SRGAP2: variants seen among roughly 807,000 people sequenced by gnomAD.
SRGAP2 encodes SLIT-ROBO Rho GTPase-activating protein 2.
In SRGAP2, 15 loss-of-function variants were observed where a neutral mutation model predicts 57.2. The observed-to-expected ratio is 0.26, with a 90% CI of 0.18 to 0.40. SRGAP2 has a LOEUF of 0.40. Ranked by LOEUF, SRGAP2 falls within the 10% of genes least tolerant of loss-of-function variation. SRGAP2 has a pLI of 1.00. For synonymous variants in SRGAP2, 249 were observed against 248.0 expected (o/e 1.00, Z -0.04); for missense variants, 520 against 669.6 (o/e 0.78, Z 2.47).
chr1:206,414,963 C>T (rs541334293), intron 10 of SRGAP2, among the ~76,000 whole-genome samples: 4 of 152,304 alleles, frequency 2.6e-5, no homozygotes, highest in East Asian at 3.9e-4. Flanking sequence ...GGCATTTTGT[C>T]GTAATGGTTA....
intron 2 of SRGAP2, among the ~76,000 whole-genome samples, chr1:206,253,573 C>CTTTTTT (rs71264673): frequency 5.7e-4 from 58 of 101,660 alleles, no homozygotes; most frequent in South Asian, 7.5e-4. Flanking sequence ...TTCTTTCTTT[C>CTTTTTT]TTTTTTTTTT....
chr1:206,233,522 C>T (rs1667758916), intron 2 of SRGAP2, among the ~76,000 whole-genome samples: 1 of 145,474 alleles, frequency 6.9e-6, no homozygotes, highest in African/African-American at 2.5e-5. Flanking sequence ...TAGAAACCAG[C>T]TAGCTCTCTG....
chr1:206,422,623 G>A (rs971052018), intron 13 of SRGAP2, among the ~76,000 whole-genome samples: 10 of 152,192 alleles, frequency 6.6e-5, no homozygotes, highest in African/African-American at 2.4e-4. Flanking sequence ...CTGAAACCAG[G>A]CATCTTGCTT....
At chr1:206,417,488 G>C (rs1553362482) in intron 11 of SRGAP2, among the ~76,000 whole-genome samples, 1 of 149,862 alleles carries the variant, frequency 6.7e-6, no homozygotes. Flanking sequence ...TGTGATCTTG[G>C]CTTATTGCAA....
At chr1:206,243,708 GCTT>G (rs1339709918) in intron 2 of SRGAP2, among the ~76,000 whole-genome samples, 1 of 152,220 alleles carries the variant, frequency 6.6e-6, no homozygotes, top group East Asian at 1.9e-4. Context: ...CAGCTGTGCT[GCTT>G]CTTCCATGGA....
In SRGAP2 at chr1:206,458,691, G is replaced by C. The variant is rs1572209963; in HGVS notation, c.2576G>C (p.Ser859Thr). Residue 859 changes from serine to threonine, a missense_variant, in exon 22 of 23, where the codon AGT (serine) becomes ACT (threonine). Physicochemically the swap from Ser to Thr is moderately conservative, Grantham distance 58. Around this residue, in one of 5 missense-constraint regions of SRGAP2, gnomAD observed 478 missense variants for 373.6 expected, o/e 1.28. Coordinates refer to ENST00000573034, the MANE Select transcript of SRGAP2 (RefSeq NM_015326.5). ...CGGAGTGACAGCCATGGGCTGAGCA[G>C]TTCCCTGACTGACTCCTCCTCCCCA... is the stretch of plus-strand genomic sequence containing the variant. ...TFRSDSHGLSSSLTDSSSPGV... is the reference protein window; with the variant it reads ...TFRSDSHGLSTSLTDSSSPGV... The C allele has an allele frequency of 5.1e-6, 4 of 779,382 alleles. No homozygotes were observed. In the South Asian group the frequency reaches 5.4e-5, roughly 10 times the overall value. 48.3% of individuals were successfully genotyped at this position (779,382 alleles called of 1,614,324 possible).
intron 7 of SRGAP2, among the ~76,000 whole-genome samples, chr1:206,394,666 G>A (rs1553352793): frequency 6.6e-6 from 1 of 152,112 alleles, no homozygotes; most frequent in Non-Finnish European, 1.5e-5. Context: ...GTGATGCAAA[G>A]GGGATTGAGG....
chr1:206,372,992 TC>T (rs1654804105), intron 4 of SRGAP2, among the ~76,000 whole-genome samples: 1 of 112,890 alleles, frequency 8.9e-6, no homozygotes, highest in Non-Finnish European at 1.8e-5. Flanking sequence ...TTTCTTTCTT[TC>T]TTTCTTTCTT....
chr1:206,331,825 TTA>T (rs1674379469), intron 3 of SRGAP2, among the ~76,000 whole-genome samples: 1 of 97,560 alleles, frequency 1.0e-5, no homozygotes, highest in Non-Finnish European at 1.9e-5. Context: ...GTTAATATTG[TTA>T]TGTGTGAATT....
At chr1:206,373,843 A>T in intron 4 of SRGAP2, among the ~76,000 whole-genome samples, 1 of 147,838 alleles carries the variant, frequency 6.8e-6, no homozygotes. Flanking sequence ...CAGAATTAAA[A>T]TGGGAACTAG....
rs562378169 is a variant in SRGAP2 at position 206,223,054 on chromosome 1, G to A, written c.67+17017G>A. ...CTCCCAAAGTGCTGGGATTACAGGC[G>A]TGAGCCACCGTGCCCGGCCTCAGAG... On this transcript the variant is annotated intron_variant, in intron 2 of 22. Coordinates refer to ENST00000573034, the MANE Select transcript of SRGAP2 (RefSeq NM_015326.5). 6.1e-3 allele frequency among the ~76,000 whole-genome samples: 922 copies of A among 151,820 alleles called. 16 individuals are homozygous for A. Among genetic ancestry groups the A allele is most frequent in the African/African-American group, 0.021 (878 of 41,400 alleles).
At chr1:206,278,039 G>A in intron 2 of SRGAP2, among the ~76,000 whole-genome samples, 1 of 150,886 alleles carries the variant, frequency 6.6e-6, no homozygotes, top group Non-Finnish European at 1.5e-5. Flanking sequence ...CCACTACCAA[G>A]TAGGTGAAGA....
In SRGAP2 at chr1:206,363,891, A is replaced by C. The variant is rs369927111; in HGVS notation, c.424-20123A>C. Among the ~76,000 whole-genome samples the C allele has an allele frequency of 1.7e-4, 26 of 152,324 alleles. No homozygotes were observed. The East Asian group carries it at 4.4e-3, about 26-fold the overall frequency. On this transcript the variant is annotated intron_variant, in intron 4 of 22. Coordinates refer to ENST00000573034, the MANE Select transcript of SRGAP2 (RefSeq NM_015326.5). ...TGGGTGTCCCCTTTGCAGTGTAATA[A>C]ATGTCTTGTGAAGATACTATGTAAA...
At chr1:206,414,035 T>C (rs1045155192) in intron 10 of SRGAP2, among the ~76,000 whole-genome samples, 2 of 141,854 alleles carry the variant, frequency 1.4e-5, no homozygotes, top group African/African-American at 5.5e-5. Context: ...TTTTCTTTCT[T>C]TTTTTTTTTT....
At chr1:206,441,765 G>T (rs1485459432) in intron 17 of SRGAP2, among the ~76,000 whole-genome samples, 2 of 152,200 alleles carry the variant, frequency 1.3e-5, no homozygotes, top group Non-Finnish European at 2.9e-5. Context: ...GCAATTCCCT[G>T]TGGAGTAAGG....
chr1:206,409,824 C>G (rs1320379794), intron 10 of SRGAP2, among the ~76,000 whole-genome samples: 1 of 148,682 alleles, frequency 6.7e-6, no homozygotes, highest in East Asian at 2.0e-4. Context: ...ATCTGCTGGG[C>G]GTGGTGGCTC....
intron 2 of SRGAP2, among the ~76,000 whole-genome samples, chr1:206,237,081 C>A (rs1667949441): frequency 6.7e-6 from 1 of 148,594 alleles, no homozygotes; most frequent in Non-Finnish European, 1.5e-5. Flanking sequence ...GGTGAAACCC[C>A]ACCTCTACTA....
intron 3 of SRGAP2, among the ~76,000 whole-genome samples, chr1:206,327,655 ATTTATTTATTTATTT>A (rs372749417): frequency 2.6e-5 from 3 of 116,534 alleles, no homozygotes; most frequent in African/African-American, 7.7e-5. Context: ...TGCTTATCCC[ATTTATTTATTTATTT>A]TTTATTTATT....
Position 206,461,519 on chromosome 1 carries a change from A to C in SRGAP2, c.*99A>C. 1.5e-6 allele frequency: 1 copy of C among 665,750 alleles called. No individual in the cohort carries two copies. Among genetic ancestry groups the C allele is most frequent in the Non-Finnish European group, 2.8e-6 (1 of 363,010 alleles). 41.2% of individuals were successfully genotyped at this position (665,750 alleles called of 1,614,324 possible). On this transcript the variant is annotated 3_prime_UTR_variant, in exon 23 of 23. Coordinates refer to ENST00000573034, the MANE Select transcript of SRGAP2 (RefSeq NM_015326.5). ...AGCTTGGGGACTTCAGTTGAAAATTAGGTTCTAAGTTGTTCTTGCAGGAAT... is the reference window on the plus strand; with the variant it reads ...AGCTTGGGGACTTCAGTTGAAAATTCGGTTCTAAGTTGTTCTTGCAGGAAT...
Sources: allele counts gnomAD v4.1 joint callset (sites outside exome capture counted in the v4.1 genomes callset), GRCh38; gene constraint gnomAD v4.1.1; regional missense constraint gnomAD v4.1.1; transcripts MANE v1.5; gene names NCBI Gene and HGNC (gene_info 2026-07-23, HGNC 2026-07-21).